The following PPP1R9A variants were observed in gnomAD, a reference collection of about 807,000 sequenced individuals.
The protein encoded by PPP1R9A is neurabin-1.
Under a neutral mutation model 141.9 loss-of-function variants are expected in PPP1R9A, and 59 were observed. That is an observed-to-expected ratio of 0.42 (90% CI 0.34 to 0.52). PPP1R9A has a LOEUF of 0.52. PPP1R9A is among the 20% of genes least tolerant of loss of function. The probability of loss-of-function intolerance (pLI) is 0.10; values close to 1 mark genes in which losing one functional copy is unlikely to be tolerated. For missense variants in PPP1R9A, 1,444 were observed against 1,611.9 expected, an observed-to-expected ratio of 0.90 and a Z score of 1.78; for synonymous variants, 500 against 569.7, an observed-to-expected ratio of 0.88 and a Z score of 1.74.
intron 2 of PPP1R9A, among the ~76,000 whole-genome samples, chr7:95,086,342 G>A (rs1020311765): frequency 6.6e-6 from 1 of 151,972 alleles, no homozygotes; most frequent in Non-Finnish European, 1.5e-5. Context: ...GGGTGATTGT[G>A]TCATAAACTT....
intron 2 of PPP1R9A, among the ~76,000 whole-genome samples, chr7:94,928,073 A>C (rs979910654): frequency 1.3e-5 from 2 of 152,186 alleles, no homozygotes; most frequent in Non-Finnish European, 1.5e-5. Context: ...GTCTACCTTT[A>C]TCAGGAGGAG....
intron 2 of PPP1R9A, among the ~76,000 whole-genome samples, chr7:95,093,522 C>G (rs1817628566): frequency 6.6e-6 from 1 of 152,088 alleles, no homozygotes; most frequent in Admixed American, 6.6e-5. Context: ...TTTCAAAATA[C>G]ATTTGAAAAG....
At chr7:94,939,782 A>G (rs10264258) in intron 2 of PPP1R9A, among the ~76,000 whole-genome samples, 1 of 145,816 alleles carries the variant, frequency 6.9e-6, no homozygotes, top group Admixed American at 6.9e-5. Context: ...ATATATATAT[A>G]TGTATATATA....
intron 2 of PPP1R9A, among the ~76,000 whole-genome samples, chr7:94,971,111 G>GA (rs981004560): frequency 6.6e-6 from 1 of 151,720 alleles, no homozygotes; most frequent in Admixed American, 6.6e-5. Flanking sequence ...GGACAAAAGA[G>GA]AAAAAAAAGC....
intron 2 of PPP1R9A, among the ~76,000 whole-genome samples, chr7:94,919,301 ATTTTT>A (rs757456894): frequency 0.018 from 1,902 of 106,126 alleles, 33 homozygotes; most frequent in African/African-American, 0.058. Flanking sequence ...GGATAATTAC[ATTTTT>A]TTTTTTTTTT....
intron 4 of PPP1R9A, among the ~76,000 whole-genome samples, chr7:95,158,164 G>A: frequency 6.6e-6 from 1 of 152,132 alleles, no homozygotes; most frequent in East Asian, 1.9e-4. Context: ...CAAACATGAT[G>A]ATGCACATTT....
chr7:95,170,376 A>T (rs913982123), intron 5 of PPP1R9A, among the ~76,000 whole-genome samples: 24 of 151,622 alleles, frequency 1.6e-4, no homozygotes, highest in Admixed American at 3.9e-4. Context: ...AATATCACAG[A>T]TCCAAGACAT....
At chr7:95,227,661 A>C (rs1795332313) in intron 8 of PPP1R9A, among the ~76,000 whole-genome samples, 1 of 152,166 alleles carries the variant, frequency 6.6e-6, no homozygotes, top group African/African-American at 2.4e-5. Context: ...CAAATCCTAA[A>C]TTATTTGCTT....
At chr7:94,955,639 A>G (rs1383369907) in intron 2 of PPP1R9A, among the ~76,000 whole-genome samples, 1 of 152,058 alleles carries the variant, frequency 6.6e-6, no homozygotes, top group Non-Finnish European at 1.5e-5. Flanking sequence ...ACTTGTCACA[A>G]ATTTGTTATT....
rs1817843321 is a variant in PPP1R9A, at chr7:95,094,976, TTGAC to T, written c.1396-16280_1396-16277del. On this transcript the variant is annotated intron_variant, in intron 2 of 19. Coordinates refer to ENST00000433360, the MANE Select transcript of PPP1R9A (RefSeq NM_001166160.2). The stretch of plus-strand genomic sequence containing the variant: ...GAGAAGAGGAAGTTTGGTTGTGTGA[TTGAC>T]TGCCCTTTCAAGCCCCTGTGGCCAA... 2.6e-5 allele frequency among the ~76,000 whole-genome samples: 4 copies of T among 151,628 alleles called. No homozygotes were observed. The South Asian group carries it at 6.2e-4, about 24-fold the overall frequency.
intron 8 of PPP1R9A, among the ~76,000 whole-genome samples, chr7:95,227,363 GA>G (rs1795285221): frequency 1.3e-5 from 2 of 152,168 alleles, no homozygotes; most frequent in Non-Finnish European, 2.9e-5. Context: ...TCTTTTATGG[GA>G]GGTGAAGAGC....
intron 12 of PPP1R9A, among the ~76,000 whole-genome samples, chr7:95,264,296 A>C (rs73223922): frequency 0.12 from 18,289 of 152,206 alleles, 1,211 homozygotes; most frequent in East Asian, 0.16. Context: ...GTGTGATGGC[A>C]TGAAGTATGG....
chr7:95,273,470 C>T (rs111650285), intron 14 of PPP1R9A, among the ~76,000 whole-genome samples: 7 of 152,242 alleles, frequency 4.6e-5, no homozygotes, highest in South Asian at 2.1e-4. Flanking sequence ...TTTGGAGATA[C>T]GGGAGAAGTG....
chr7:95,020,424 T>C (rs1481627650), intron 2 of PPP1R9A, among the ~76,000 whole-genome samples: 1 of 152,200 alleles, frequency 6.6e-6, no homozygotes, highest in Admixed American at 6.6e-5. Context: ...TAAGTTCAAC[T>C]TTATCATAGA....
intron 9 of PPP1R9A, among the ~76,000 whole-genome samples, chr7:95,248,029 G>A (rs966930522): frequency 6.6e-6 from 1 of 150,868 alleles, no homozygotes; most frequent in African/African-American, 2.4e-5. Flanking sequence ...TAGTTGTTTG[G>A]TTCACATAAT....
chr7:95,133,075 G>A (rs917411230), intron 4 of PPP1R9A, among the ~76,000 whole-genome samples: 11 of 152,248 alleles, frequency 7.2e-5, no homozygotes, highest in Middle Eastern at 3.4e-3. Flanking sequence ...TATATTGAGC[G>A]ACAGAAGGAG....
At chr7:94,953,557 C>A (rs1051840619) in intron 2 of PPP1R9A, among the ~76,000 whole-genome samples, 7 of 152,074 alleles carry the variant, frequency 4.6e-5, no homozygotes, top group Admixed American at 2.0e-4. Flanking sequence ...GGCAGTATGG[C>A]CATTTTCATG....
chr7:95,075,185 G>T (rs1814653687), intron 2 of PPP1R9A, among the ~76,000 whole-genome samples: 1 of 152,000 alleles, frequency 6.6e-6, no homozygotes. Context: ...TATGTTTTCA[G>T]ATTCTTATAT....
intron 6 of PPP1R9A, among the ~76,000 whole-genome samples, chr7:95,199,624 T>C (rs1369145110): frequency 6.6e-6 from 1 of 152,202 alleles, no homozygotes; most frequent in Non-Finnish European, 1.5e-5. Context: ...CAAAGAATAA[T>C]ATATTAGAAA....
Sources: allele counts gnomAD v4.1 joint callset (sites outside exome capture counted in the v4.1 genomes callset), GRCh38; gene constraint gnomAD v4.1.1; transcripts MANE v1.5; gene names NCBI Gene and HGNC (gene_info 2026-07-23, HGNC 2026-07-21).